The following CFAP53 variants were observed in gnomAD, a reference collection of about 807,000 sequenced individuals.
CFAP53 encodes cilia- and flagella-associated protein 53.
A neutral mutation model predicts 59.7 loss-of-function variants in CFAP53; 62 were observed. That is an observed-to-expected ratio of 1.04 (90% confidence interval 0.85 to 1.28). The LOEUF (loss-of-function observed/expected upper bound fraction) is 1.28, where lower values mean the gene tolerates loss of function less well. Among genes scored for constraint, CFAP53 ranks in the 50% most tolerant of loss-of-function variants. The pLI is 0.00. For missense variants in CFAP53, 629 were observed against 615.6 expected (o/e 1.02, Z -0.23); for synonymous variants, 218 against 205.7 (o/e 1.06, Z -0.51).
chr18:50,237,045 G>GC (rs1263699379), intron 7 of CFAP53, among the ~76,000 whole-genome samples: 1 of 151,440 alleles, frequency 6.6e-6, no homozygotes, highest in Non-Finnish European at 1.5e-5. Flanking sequence ...AGTGGCTCAC[G>GC]CCTGTAATCC....
chr18:50,229,098 CA>C (rs1219910249), intron 7 of CFAP53, among the ~76,000 whole-genome samples: 2 of 152,076 alleles, frequency 1.3e-5, no homozygotes, highest in Non-Finnish European at 2.9e-5. Context: ...AAAACAAAAA[CA>C]AAAACAAACA....
chr18:50,265,876 C>T (rs930529793), intron 1 of CFAP53, among the ~76,000 whole-genome samples: 2 of 152,198 alleles, frequency 1.3e-5, no homozygotes, highest in Non-Finnish European at 2.9e-5. Flanking sequence ...TATAACCACT[C>T]ACAACCTAAT....
chr18:50,227,878 G>A (rs2033540843), intron 7 of CFAP53, among the ~76,000 whole-genome samples: 1 of 150,596 alleles, frequency 6.6e-6, no homozygotes, highest in Admixed American at 6.6e-5. Context: ...TCCTTGGTTT[G>A]CCTCCATCCC....
chr18:50,243,162 A>C (rs1429638980), intron 5 of CFAP53, 46 bp from the exon 6 acceptor site: 4 of 1,398,234 alleles, frequency 2.9e-6, no homozygotes, highest in Non-Finnish European at 4.0e-6. Context: ...TTGGTGTGAT[A>C]CTATAGTAAG....
chr18:50,244,586 A>G (rs1357607821), intron 5 of CFAP53, among the ~76,000 whole-genome samples: 2 of 152,194 alleles, frequency 1.3e-5, no homozygotes, highest in Non-Finnish European at 1.5e-5. Flanking sequence ...ATAAGACTGG[A>G]GCAGAAACTG....
At chr18:50,227,640 T>C (rs1235519496) in intron 7 of CFAP53, 31 bp from the exon 8 acceptor site, 4 of 1,482,878 alleles carry the variant, frequency 2.7e-6, no homozygotes. Flanking sequence ...AAGCATAAAA[T>C]TATAAAAGTA....
At chr18:50,259,853 T>C (rs2033875587) in intron 3 of CFAP53, among the ~76,000 whole-genome samples, 1 of 152,190 alleles carries the variant, frequency 6.6e-6, no homozygotes, top group Non-Finnish European at 1.5e-5. Context: ...CCCAGCCAAA[T>C]AACAGCAATT....
intron 7 of CFAP53, among the ~76,000 whole-genome samples, chr18:50,237,409 T>C (rs2033648765): frequency 7.4e-6 from 1 of 134,988 alleles, no homozygotes. Context: ...CACACATATA[T>C]ATATATATGA....
In CFAP53 at chr18:50,266,435, T is replaced by G. The variant is rs1427388305; in HGVS notation, c.-31A>C. On this transcript the variant is annotated 5_prime_UTR_variant, in exon 1 of 8. Coordinates refer to ENST00000398545, the MANE Select transcript of CFAP53 (RefSeq NM_145020.5). The stretch of plus-strand genomic sequence containing the variant: ...AGTCCCCTTCGGGACGGGGGCGGCG[T>G]CCGCCGCGTTTCCCCCAACCGTGGC... 1 of 1,610,458 alleles carries G rather than the reference T, an allele frequency of 6.2e-7. No individual in the cohort carries two copies. Among genetic ancestry groups the G allele is most frequent in the East Asian group, 2.2e-5 (1 of 44,882 alleles).
intron 5 of CFAP53, among the ~76,000 whole-genome samples, chr18:50,243,441 C>T (rs932965612): frequency 1.3e-5 from 2 of 152,184 alleles, no homozygotes; most frequent in Non-Finnish European, 2.9e-5. Context: ...CAAACACTTT[C>T]CCAAAGTGTT....
intron 7 of CFAP53, among the ~76,000 whole-genome samples, chr18:50,237,385 TACAC>T (rs1201647226): frequency 0.085 from 567 of 6,690 alleles, 25 homozygotes; most frequent in East Asian, 0.33. Flanking sequence ...CACACACACA[TACAC>T]ACACACACAC....
chr18:50,251,112 A>G (rs2033794892), intron 4 of CFAP53, 136 bp from the exon 5 acceptor site: 1 of 761,000 alleles, frequency 1.3e-6, no homozygotes, highest in Non-Finnish European at 2.2e-6. Context: ...TGTAAGAAAG[A>G]AAACCTTCCT....
intron 6 of CFAP53, among the ~76,000 whole-genome samples, chr18:50,240,169 A>C (rs1229319191): frequency 1.3e-5 from 2 of 151,430 alleles, no homozygotes; most frequent in East Asian, 3.9e-4. Flanking sequence ...ACTCATTCAA[A>C]TTACCTGCCC....
intron 6 of CFAP53, among the ~76,000 whole-genome samples, chr18:50,240,296 C>G (rs919717540): frequency 7.2e-5 from 11 of 152,090 alleles, no homozygotes; most frequent in Non-Finnish European, 1.5e-4. Context: ...CTGCTCCACC[C>G]TAACTCATTC....
chr18:50,230,018 A>G (rs2033564644), intron 7 of CFAP53, among the ~76,000 whole-genome samples: 1 of 152,098 alleles, frequency 6.6e-6, no homozygotes. Flanking sequence ...TTGGCCTCCC[A>G]AAGTGGTGGG....
At chr18:50,256,974 AC>A (rs1386734281) in intron 3 of CFAP53, among the ~76,000 whole-genome samples, 1 of 148,892 alleles carries the variant, frequency 6.7e-6, no homozygotes, top group East Asian at 2.0e-4. Flanking sequence ...CCTAAGTGAC[AC>A]TCACTCTCAC....
intron 3 of CFAP53, among the ~76,000 whole-genome samples, chr18:50,257,904 C>A (rs1421903249): frequency 6.6e-6 from 1 of 152,098 alleles, no homozygotes; most frequent in African/African-American, 2.4e-5. Context: ...GCAGTACACA[C>A]CTGTGGTCCC....
In CFAP53 at chr18:50,227,329, T is replaced by C. The variant is rs1247935150; in HGVS notation, c.*52A>G. 19 of 1,413,826 alleles carry C rather than the reference T, an allele frequency of 1.3e-5. No individual in the cohort carries two copies. Among genetic ancestry groups the C allele is most frequent in the Non-Finnish European group, 1.9e-5 (19 of 1,006,340 alleles). 87.6% of individuals were successfully genotyped at this position (1,413,826 alleles called of 1,614,324 possible). A position where few individuals can be genotyped will look rare whatever the true frequency, so the allele number is the denominator to read the frequency against. ...AGTTAAAAGAAGCATACAAGCATAC[T>C]GTAGTTAAAAATATTAAAAGACCAA... On this transcript the variant is annotated 3_prime_UTR_variant, in exon 8 of 8. Transcript: ENST00000398545.
chr18:50,256,718 C>G (rs1414780184), intron 3 of CFAP53, among the ~76,000 whole-genome samples: 1 of 151,930 alleles, frequency 6.6e-6, no homozygotes, highest in Non-Finnish European at 1.5e-5. Context: ...ACAGAAAGAG[C>G]AGATGGAAGA....
Sources: gnomAD v4.1 joint callset for allele counts (sites outside exome capture counted in the v4.1 genomes callset) on GRCh38, gnomAD v4.1.1 for gene constraint, MANE v1.5 for transcripts, NCBI Gene and HGNC (gene_info 2026-07-23, HGNC 2026-07-21) for gene names.